Variants in CPT1A observed in about 807,000 individuals in gnomAD.
CPT1A encodes the protein carnitine palmitoyltransferase 1A.
Under a neutral mutation model 100.8 loss-of-function variants are expected in CPT1A, and 64 were observed. The observed-to-expected ratio is 0.63, with a 90% CI of 0.52 to 0.78. CPT1A has a LOEUF of 0.78. Ranked by LOEUF, CPT1A falls within the 30% of genes least tolerant of loss-of-function variation. The probability of loss-of-function intolerance (pLI) is 0.00; values close to 1 mark genes in which losing one functional copy is unlikely to be tolerated. For synonymous variants in CPT1A, 363 were observed against 396.0 expected, an observed-to-expected ratio of 0.92 and a Z score of 0.99; for missense variants, 802 against 1,034.1, an observed-to-expected ratio of 0.78 and a Z score of 3.08.
At chr11:68,789,911 T>C (rs1855568576) in intron 9 of CPT1A, among the ~76,000 whole-genome samples, 1 of 152,242 alleles carries the variant, frequency 6.6e-6, no homozygotes, top group Non-Finnish European at 1.5e-5. Context: ...TAAAACAGTT[T>C]GAAGTATTTT....
rs528765910 is a variant in CPT1A at position 68,841,182 on chromosome 11, A to T, written c.-14+593T>A. Among the ~76,000 whole-genome samples, 6 of 150,388 alleles carry T rather than the reference A, an allele frequency of 4.0e-5. No individual in the cohort carries two copies. The highest frequency in any genetic ancestry group is 1.5e-4 in the African/African-American group (6 of 40,836). ...CCCGAGGGCCGAGCACCCCTCCCTC[A>T]GCCGCACTGCACCTGCCCGTAGGTG... On this transcript the variant is annotated intron_variant, in intron 1 of 18. Transcript: ENST00000265641. This position sits in a 1 kb window ranked among gnomAD's most constrained non-coding sequence, Gnocchi z 6.3.
chr11:68,799,491 G>C lies in CPT1A; in HGVS notation c.556-136C>G, dbSNP rs1855845254. 6 of 947,218 alleles carry C rather than the reference G, an allele frequency of 6.3e-6. No individual in the cohort carries two copies. In the Admixed American group the frequency reaches 8.3e-5, roughly 13 times the overall value. The allele number at this position is 947,218 out of a possible 1,614,324, so 58.7% of individuals were successfully genotyped here. ...AGGCTGGGCATGGTGGCTCATGCTT[G>C]TAATCCCAGCACTTTGGGAGGTCAA... is the stretch of plus-strand genomic sequence containing the variant. On this transcript the variant is annotated intron_variant, in intron 5 of 18. Coordinates refer to ENST00000265641, the MANE Select transcript of CPT1A (RefSeq NM_001876.4).
At chr11:68,767,201 T>C (rs58787722) in intron 14 of CPT1A, among the ~76,000 whole-genome samples, 4,392 of 152,306 alleles carry the variant, frequency 0.029, 200 homozygotes, top group African/African-American at 0.097. Flanking sequence ...AACAAAAACA[T>C]TGAAGGGCCA....
intron 1 of CPT1A, among the ~76,000 whole-genome samples, chr11:68,816,755 CGTGTGTGT>C (rs5792452): frequency 2.8e-4 from 41 of 145,206 alleles, no homozygotes; most frequent in South Asian, 4.3e-4. Context: ...TCCAAAAACT[CGTGTGTGT>C]GTGTGTGTGT....
At chr11:68,836,559 G>A (rs556659535) in intron 1 of CPT1A, among the ~76,000 whole-genome samples, 3 of 152,204 alleles carry the variant, frequency 2.0e-5, no homozygotes, top group African/African-American at 4.8e-5. Flanking sequence ...GATCACCTGA[G>A]GTCAGGAATT....
chr11:68,758,471 C>A (rs1946736350), intron 18 of CPT1A, among the ~76,000 whole-genome samples: 1 of 152,134 alleles, frequency 6.6e-6, no homozygotes, highest in South Asian at 2.1e-4. Context: ...GCTCTGTATG[C>A]AGATTTCTTA....
rs1857153465 is a variant in CPT1A, at chr11:68,841,285, C to G, written c.-14+490G>C. Among the ~76,000 whole-genome samples, 2 of 152,144 alleles carry G rather than the reference C, an allele frequency of 1.3e-5. No individual in the cohort carries two copies. The highest frequency in any genetic ancestry group is 4.8e-5 in the African/African-American group (2 of 41,432). ...ATGGGCAGGGACAGGAGCCGGAGGC[C>G]CTACTGGCCCCGGGCGAAGGCATCC... On this transcript the variant is annotated intron_variant, in intron 1 of 18. Coordinates refer to ENST00000265641, the MANE Select transcript of CPT1A (RefSeq NM_001876.4). This position sits in a 1 kb window ranked among gnomAD's most constrained non-coding sequence, Gnocchi z 6.3.
rs533838480 is a variant in CPT1A at position 68,817,110 on chromosome 11, T to C, written c.-13-1623A>G. Among the ~76,000 whole-genome samples the C allele has an allele frequency of 4.7e-4, 64 of 136,380 alleles. No individual in the cohort carries two copies. In the Middle Eastern group the frequency reaches 0.017, roughly 35 times the overall value. 89.5% of individuals were successfully genotyped at this position (136,380 alleles called of 152,430 possible). On this transcript the variant is annotated intron_variant, in intron 1 of 18. Coordinates refer to ENST00000265641, the MANE Select transcript of CPT1A (RefSeq NM_001876.4). ...TGGTTGTGTGTGTGTGGTGTGTGTGTGTGGGTGTGTGGTGATGTGTGGTTG... is the reference window on the plus strand; with the variant it reads ...TGGTTGTGTGTGTGTGGTGTGTGTGCGTGGGTGTGTGGTGATGTGTGGTTG...
At chr11:68,790,469 G>GAC (rs35591039) in intron 9 of CPT1A, among the ~76,000 whole-genome samples, 6,602 of 152,108 alleles carry the variant, frequency 0.043, 198 homozygotes, top group Middle Eastern at 0.075. Flanking sequence ...TTGTAAGAGA[G>GAC]ACACACACAC....
intron 3 of CPT1A, among the ~76,000 whole-genome samples, chr11:68,812,018 C>T (rs1856225368): frequency 6.6e-6 from 1 of 152,108 alleles, no homozygotes. Context: ...CAGAGGACCC[C>T]ACAGCAGTCA....
At chr11:68,772,288 G>C (rs1294836290) in intron 14 of CPT1A, among the ~76,000 whole-genome samples, 1 of 152,126 alleles carries the variant, frequency 6.6e-6, no homozygotes. Context: ...GGGAGGTGGA[G>C]GTTGCAGTGA....
At chr11:68,791,701 T>G (rs1855619426) in intron 9 of CPT1A, among the ~76,000 whole-genome samples, 2 of 152,106 alleles carry the variant, frequency 1.3e-5, no homozygotes. Flanking sequence ...CATACCTGGC[T>G]AATTTTGTAT....
intron 1 of CPT1A, among the ~76,000 whole-genome samples, chr11:68,815,893 A>G (rs1395922525): frequency 1.4e-5 from 2 of 141,068 alleles, no homozygotes; most frequent in African/African-American, 5.5e-5. Context: ...CGTCCCCCGG[A>G]ACCATGCCTC....
chr11:68,834,737 T>A (rs934811554), intron 1 of CPT1A, among the ~76,000 whole-genome samples: 1 of 152,124 alleles, frequency 6.6e-6, no homozygotes, highest in African/African-American at 2.4e-5. Flanking sequence ...CGAGACCCTG[T>A]CTTACCAAGT....
Position 68,762,660 on chromosome 11 carries a change from G to C in CPT1A, c.1842C>G (p.Asp614Glu). The C allele has an allele frequency of 6.2e-7, 1 of 1,613,946 alleles. No individual in the cohort carries two copies. The highest frequency in any genetic ancestry group is 8.5e-7 in the Non-Finnish European group (1 of 1,180,034). ...TVRSCTTESC[D>E]FVRAMVDPAQ... ...CCGGGTCCACCATGGCCCGCACGAA[G>C]TCGCATGACTCAGTGGTGCAGGAGC... is the stretch of plus-strand genomic sequence containing the variant. Residue 614 changes from aspartate to glutamate, a missense_variant, in exon 15 of 19, where the codon GAC becomes GAG. By Grantham distance (45) the Asp-to-Glu change is conservative. This residue lies in a region of CPT1A where 627 missense variants were observed against 799.3 expected (regional missense o/e 0.78). Transcript: ENST00000265641.
chr11:68,797,006 A>G (rs1855772469), intron 6 of CPT1A, 73 bp from the exon 7 acceptor site: 4 of 1,466,814 alleles, frequency 2.7e-6, no homozygotes. Context: ...AGCAGCCCAG[A>G]GCCGCGGGGA....
At chr11:68,817,016 TGG>T (rs1184630964) in intron 1 of CPT1A, among the ~76,000 whole-genome samples, 1 of 53,218 alleles carries the variant, frequency 1.9e-5, no homozygotes, top group African/African-American at 8.2e-5. Flanking sequence ...GTGTGGGGGG[TGG>T]GTGTGTGTGT....
chr11:68,757,163 G>T lies in CPT1A; in HGVS notation c.*481C>A. The T allele has an allele frequency of 2.9e-6, 1 of 347,330 alleles. No individual in the cohort carries two copies. The highest frequency in any genetic ancestry group is 4.3e-6 in the Non-Finnish European group (1 of 232,466). 21.5% of individuals were successfully genotyped at this position (347,330 alleles called of 1,614,324 possible). ...TCTCCAAAGCACAGCATTTTGGTTA[G>T]TGCATTCCAGATGTGTTAGCTACAA... On this transcript the variant is annotated 3_prime_UTR_variant, in exon 19 of 19. Transcript: ENST00000265641.
chr11:68,826,167 C>G (rs1187873765), intron 1 of CPT1A, among the ~76,000 whole-genome samples: 1 of 152,172 alleles, frequency 6.6e-6, no homozygotes, highest in Non-Finnish European at 1.5e-5. Context: ...AACCTGAGGC[C>G]GGGCACTGTG....
Sources: gnomAD v4.1 joint callset for allele counts (sites outside exome capture counted in the v4.1 genomes callset) on GRCh38, gnomAD v4.1.1 for gene constraint, gnomAD v4.1.1 regional missense constraint, Gnocchi (gnomAD v3.1) non-coding constraint, MANE v1.5 for transcripts, NCBI Gene and HGNC (gene_info 2026-07-23, HGNC 2026-07-21) for gene names.